ATAD2: variants seen among roughly 807,000 people sequenced by gnomAD.
ATAD2 encodes ATPase family AAA domain-containing protein 2.
ATAD2 carries 62 observed loss-of-function variants against 168.9 expected under a neutral mutation model. The observed-to-expected ratio is 0.37, with a 90% CI of 0.30 to 0.45. The LOEUF is 0.45. Ranked by LOEUF, ATAD2 falls within the 20% of genes least tolerant of loss-of-function variation. ATAD2 has a pLI of 1.00. For missense variants in ATAD2, 1,419 were observed against 1,667.8 expected (o/e 0.85, Z 2.60); for synonymous variants, 613 against 571.6 (o/e 1.07, Z -1.03).
At chr8:123,344,178 C>G (rs970292934) in intron 19 of ATAD2, among the ~76,000 whole-genome samples, 6 of 151,978 alleles carry the variant, frequency 3.9e-5, no homozygotes, top group African/African-American at 1.5e-4. Flanking sequence ...ACCAAAAAAC[C>G]TATCAATAGG....
intron 1 of ATAD2, among the ~76,000 whole-genome samples, chr8:123,413,236 C>A (rs980699033): frequency 1.3e-4 from 13 of 99,786 alleles, no homozygotes; most frequent in Admixed American, 1.3e-3. Context: ...CCCCCCCCCC[C>A]CAACTCCTCC....
At chr8:123,365,226 G>A (rs531909026) in intron 8 of ATAD2, among the ~76,000 whole-genome samples, 2 of 152,132 alleles carry the variant, frequency 1.3e-5, no homozygotes, top group East Asian at 3.9e-4. Flanking sequence ...TAACCAAAGA[G>A]GCAAAAGACC....
chr8:123,336,644 T>A, intron 21 of ATAD2, 112 bp from the exon 22 acceptor site: 1 of 800,330 alleles, frequency 1.2e-6, no homozygotes, highest in Admixed American at 3.3e-5. Context: ...TAAGAGATTA[T>A]GATAATATAT....
chr8:123,322,773 G>C (rs1292093880), intron 27 of ATAD2, among the ~76,000 whole-genome samples, 165 bp downstream of exon 27: 2 of 152,200 alleles, frequency 1.3e-5, no homozygotes, highest in Non-Finnish European at 2.9e-5. Flanking sequence ...TATTAAAAAT[G>C]ATCTTTATGG....
At chr8:123,407,162 A>G (rs1483169540) in intron 1 of ATAD2, among the ~76,000 whole-genome samples, 1 of 152,208 alleles carries the variant, frequency 6.6e-6, no homozygotes, top group Non-Finnish European at 1.5e-5. Context: ...GGAGAGAAGC[A>G]TGGAACAGAT....
At chr8:123,333,086 T>C (rs1022227500) in intron 24 of ATAD2, among the ~76,000 whole-genome samples, 1 of 151,218 alleles carries the variant, frequency 6.6e-6, no homozygotes, top group African/African-American at 2.4e-5. Context: ...CACACAGAGA[T>C]CTAAAAAGGT....
At chr8:123,334,800 A>C (rs1315019284) in intron 22 of ATAD2, among the ~76,000 whole-genome samples, 1 of 152,230 alleles carries the variant, frequency 6.6e-6, no homozygotes, top group Non-Finnish European at 1.5e-5. Context: ...TGAATACTAC[A>C]AACTGGAATA....
chr8:123,333,284 C>A (rs1447172525), intron 24 of ATAD2, among the ~76,000 whole-genome samples: 69 of 140,300 alleles, frequency 4.9e-4, no homozygotes, highest in African/African-American at 1.8e-3. Flanking sequence ...GTGGCGGGTG[C>A]CTATAGTCCC....
chr8:123,401,278 G>T (rs572072900), upstream of ATAD2: 39 of 1,071,436 alleles, frequency 3.6e-5, no homozygotes, highest in Admixed American at 4.1e-4. Flanking sequence ...CTACCCTGTG[G>T]CCTCCAAGGA....
chr8:123,322,505 C>CA lies in ATAD2; in HGVS notation c.4131+432dup, dbSNP rs1268907438. Among the ~76,000 whole-genome samples, 4 of 151,866 alleles carry CA rather than the reference C, an allele frequency of 2.6e-5. No individual in the cohort carries two copies. The East Asian group carries it at 7.7e-4, about 29-fold the overall frequency. On this transcript the variant is annotated intron_variant, in intron 27 of 27. Transcript: ENST00000287394. Reference sequence around the variant, plus strand: ...GCAACATAGTGAAACCTCATCTCTACAAAAAACACAAAAATTAGCTGGGCA... The same window carrying CA: ...GCAACATAGTGAAACCTCATCTCTACAAAAAAACACAAAAATTAGCTGGGCA...
chr8:123,394,917 T>A (rs576440628), intron 1 of ATAD2, among the ~76,000 whole-genome samples: 1 of 152,212 alleles, frequency 6.6e-6, no homozygotes, highest in South Asian at 2.1e-4. Context: ...CTGAAGGGAG[T>A]GTAGTTTTTA....
At chr8:123,397,298 G>C (rs1418134025), upstream of ATAD2, among the ~76,000 whole-genome samples, 1 of 148,038 alleles carries the variant, frequency 6.8e-6, no homozygotes, top group Non-Finnish European at 1.5e-5. Context: ...AGGACTCCCA[G>C]TTAAATGTGA....
chr8:123,407,310 C>T (rs1034899981), intron 1 of ATAD2, among the ~76,000 whole-genome samples: 1 of 152,142 alleles, frequency 6.6e-6, no homozygotes, highest in Non-Finnish European at 1.5e-5. Context: ...ATATAGCACC[C>T]CTGGGAAATG....
intron 8 of ATAD2, among the ~76,000 whole-genome samples, chr8:123,366,679 A>C (rs1454497947): frequency 6.6e-6 from 1 of 152,212 alleles, no homozygotes; most frequent in African/African-American, 2.4e-5. Flanking sequence ...GTGGGAGCTA[A>C]GCTATGAAGA....
At chr8:123,359,550 G>C (rs754906373) in intron 10 of ATAD2, 27 bp downstream of exon 10, 2 of 1,541,674 alleles carry the variant, frequency 1.3e-6, no homozygotes, top group East Asian at 2.3e-5. Flanking sequence ...TATAGTTCAA[G>C]CATATGTTTC....
intron 1 of ATAD2, among the ~76,000 whole-genome samples, chr8:123,395,888 C>A (rs1057083668): frequency 6.6e-6 from 1 of 152,280 alleles, no homozygotes; most frequent in South Asian, 2.1e-4. Flanking sequence ...GTCGTGCGGG[C>A]GGCCGAACAG....
At chr8:123,348,590 T>C (rs564291707) in intron 14 of ATAD2, among the ~76,000 whole-genome samples, 2 of 152,286 alleles carry the variant, frequency 1.3e-5, no homozygotes, top group South Asian at 4.1e-4. Flanking sequence ...GGCACGAGAA[T>C]TGCTTGAATC....
chr8:123,376,617 A>T (rs1373351994), intron 2 of ATAD2, among the ~76,000 whole-genome samples: 1 of 152,174 alleles, frequency 6.6e-6, no homozygotes, highest in African/African-American at 2.4e-5. Flanking sequence ...AGAATTGTGA[A>T]TTGTATGGTG....
intron 1 of ATAD2, among the ~76,000 whole-genome samples, chr8:123,388,630 T>A (rs998164186): frequency 6.6e-6 from 1 of 152,042 alleles, no homozygotes; most frequent in African/African-American, 2.4e-5. Context: ...GTTATCCACC[T>A]GCCTCGGCCT....
Sources: gnomAD v4.1 joint callset for allele counts (sites outside exome capture counted in the v4.1 genomes callset) on GRCh38, gnomAD v4.1.1 for gene constraint, MANE v1.5 for transcripts, NCBI Gene and HGNC (gene_info 2026-07-23, HGNC 2026-07-21) for gene names.